CALD1: variants seen among roughly 807,000 people sequenced by gnomAD.
CALD1 encodes caldesmon 1.
A neutral mutation model predicts 99.9 loss-of-function variants in CALD1; 33 were observed. That is an observed-to-expected ratio of 0.33 (90% CI 0.25 to 0.44). The LOEUF is 0.44. Ranked by LOEUF, CALD1 falls within the 20% of genes least tolerant of loss-of-function variation. CALD1 has a pLI of 1.00. For synonymous variants in CALD1, 310 were observed against 325.0 expected (o/e 0.95, Z 0.50); for missense variants, 861 against 962.1 (o/e 0.89, Z 1.39).
chr7:134,921,829 T>A (rs1191333588), intron 3 of CALD1, among the ~76,000 whole-genome samples: 1 of 151,630 alleles, frequency 6.6e-6, no homozygotes, highest in Non-Finnish European at 1.5e-5. Flanking sequence ...AAAACAAAAC[T>A]GATCTTTTAA....
At chr7:134,958,176 C>CATATTTTT in intron 10 of CALD1, 33 bp from the exon 11 acceptor site, 1 of 1,610,428 alleles carries the variant, frequency 6.2e-7, no homozygotes, top group South Asian at 1.1e-5. Context: ...GATTCTCTCT[C>CATATTTTT]ATATTTTTAT....
intron 1 of CALD1, among the ~76,000 whole-genome samples, chr7:134,838,431 G>A (rs1799527898): frequency 6.6e-6 from 1 of 152,204 alleles, no homozygotes; most frequent in African/African-American, 2.4e-5. Context: ...TTTGGGGAAG[G>A]TGGGTGGTTA....
intron 3 of CALD1, among the ~76,000 whole-genome samples, chr7:134,926,133 C>A (rs1396734978): frequency 2.0e-5 from 3 of 152,174 alleles, no homozygotes; most frequent in Non-Finnish European, 4.4e-5. Context: ...AAATTGAACT[C>A]ATTTTTCCTC....
chr7:134,941,348 C>A, intron 7 of CALD1, 111 bp downstream of exon 7: 1 of 855,674 alleles, frequency 1.2e-6, no homozygotes, highest in Non-Finnish European at 1.8e-6. Flanking sequence ...AAGCAGGCAG[C>A]ATGCTTTTGT....
the CALD1 span, among the ~76,000 whole-genome samples, chr7:134,726,611 T>C: frequency 6.6e-6 from 1 of 150,984 alleles, no homozygotes; most frequent in Non-Finnish European, 1.5e-5. Flanking sequence ...AAGGAGAACA[T>C]TGGCAGACAG....
At chr7:134,778,645 C>A (rs750485435), upstream of CALD1, among the ~76,000 whole-genome samples, 15 of 152,338 alleles carry the variant, frequency 9.8e-5, 2 homozygotes, top group Admixed American at 4.6e-4. Context: ...TCTACTAATT[C>A]TGACCCTCTT....
intron 1 of CALD1, among the ~76,000 whole-genome samples, chr7:134,756,052 T>A (rs6944526): frequency 0.68 from 103,822 of 151,750 alleles, 36,229 homozygotes; most frequent in East Asian, 0.99. Context: ...CACCATGCCC[T>A]GCTAATTTGT....
chr7:134,820,338 T>G (rs1357274038), intron 1 of CALD1, among the ~76,000 whole-genome samples: 1 of 152,234 alleles, frequency 6.6e-6, no homozygotes, highest in Non-Finnish European at 1.5e-5. Context: ...TGGTAAAATA[T>G]TCAGTTGTAT....
chr7:134,811,147 T>C (rs960847264), intron 1 of CALD1, among the ~76,000 whole-genome samples: 1 of 152,232 alleles, frequency 6.6e-6, no homozygotes, highest in Non-Finnish European at 1.5e-5. Flanking sequence ...ACAATTTTTA[T>C]TGATCCTTGT....
chr7:134,871,262 T>C (rs1259144293), intron 3 of CALD1, among the ~76,000 whole-genome samples: 1 of 152,210 alleles, frequency 6.6e-6, no homozygotes, highest in African/African-American at 2.4e-5. Flanking sequence ...TCTATGGCCC[T>C]ATGCAGTATA....
rs116794834 is a variant in CALD1, at chr7:134,836,598, T to C, written c.-129-7286T>C. Among the ~76,000 whole-genome samples, 349 of 152,304 alleles carry C rather than the reference T, an allele frequency of 2.3e-3. 1 individual carries two copies. Among genetic ancestry groups the C allele is most frequent in the African/African-American group, 8.2e-3 (339 of 41,552 alleles). On this transcript the variant is annotated intron_variant, in intron 1 of 14. Coordinates refer to ENST00000361675, the MANE Select transcript of CALD1 (RefSeq NM_033138.4). Reference sequence around the variant, plus strand: ...AGTTATACCCAGCTCAAACTTCAGGTACACTATGACTCTGTGAAGAGAAAG... The same window carrying C: ...AGTTATACCCAGCTCAAACTTCAGGCACACTATGACTCTGTGAAGAGAAAG...
intron 11 of CALD1, among the ~76,000 whole-genome samples, chr7:134,958,571 A>G (rs1807962253): frequency 6.6e-6 from 1 of 151,678 alleles, no homozygotes; most frequent in Admixed American, 6.6e-5. Flanking sequence ...ACACTTGGCT[A>G]ATTTTTGTAT....
At chr7:134,825,124 T>C (rs1798937212) in intron 1 of CALD1, among the ~76,000 whole-genome samples, 1 of 152,192 alleles carries the variant, frequency 6.6e-6, no homozygotes, top group Admixed American at 6.6e-5. Flanking sequence ...GTTTTTCTAT[T>C]ATTTGACCTA....
At chr7:134,718,640 A>T in the CALD1 span, among the ~76,000 whole-genome samples, 27,472 of 152,048 alleles carry the variant, frequency 0.18, 2,514 homozygotes, top group South Asian at 0.24. Flanking sequence ...AATGCATAAA[A>T]CCTGGCCTCA....
intron 1 of CALD1, among the ~76,000 whole-genome samples, chr7:134,838,548 G>C (rs997861394): frequency 6.6e-6 from 1 of 152,198 alleles, no homozygotes; most frequent in African/African-American, 2.4e-5. Context: ...GATTGCCTTG[G>C]TATGGACCAC....
At chr7:134,867,110 GATCACCACTT>G (rs1266655142) in intron 2 of CALD1, 31 of 152,336 alleles carry the variant, frequency 2.0e-4, no homozygotes, top group African/African-American at 7.5e-4. Flanking sequence ...AAAACAGCTT[GATCACCACTT>G]AACTGCTTTT....
chr7:134,899,110 C>T (rs1420766595), intron 3 of CALD1, among the ~76,000 whole-genome samples: 1 of 152,062 alleles, frequency 6.6e-6, no homozygotes, highest in Non-Finnish European at 1.5e-5. Flanking sequence ...ATAGTACTTT[C>T]CTCATTTATC....
At chr7:134,825,655 A>T (rs1798958686) in intron 1 of CALD1, among the ~76,000 whole-genome samples, 1 of 152,196 alleles carries the variant, frequency 6.6e-6, no homozygotes, top group Admixed American at 6.5e-5. Flanking sequence ...AATTATATTC[A>T]ATTATGCAAT....
At chr7:134,897,622 A>T (rs1324519146) in intron 3 of CALD1, among the ~76,000 whole-genome samples, 2 of 152,218 alleles carry the variant, frequency 1.3e-5, no homozygotes, top group Non-Finnish European at 2.9e-5. Context: ...TTAGGAAGCT[A>T]TGTTGGCTGG....
Sources: allele counts gnomAD v4.1 joint callset (sites outside exome capture counted in the v4.1 genomes callset), GRCh38; gene constraint gnomAD v4.1.1; transcripts MANE v1.5; gene names NCBI Gene and HGNC (gene_info 2026-07-23, HGNC 2026-07-21).